The following RAB38 variants were observed in gnomAD, a reference collection of about 807,000 sequenced individuals.
The protein encoded by RAB38 is RAB38, member RAS oncogene family.
Under a neutral mutation model 18.4 loss-of-function variants are expected in RAB38, and 15 were observed. The observed-to-expected ratio is 0.82, with a 90% confidence interval of 0.55 to 1.26. RAB38 has a LOEUF of 1.26. RAB38 is among the 50% of genes most tolerant of loss of function. The pLI is 0.00. For synonymous variants in RAB38, 101 were observed against 104.4 expected (o/e 0.97, Z 0.20); for missense variants, 294 against 267.4 (o/e 1.10, Z -0.69).
At chr11:88,092,158 T>A in the RAB38 span, among the ~76,000 whole-genome samples, 3 of 151,768 alleles carry the variant, frequency 2.0e-5, no homozygotes, top group East Asian at 5.9e-4. Context: ...CTTTATTTTG[T>A]CTGGACTAGA....
chr11:87,902,686 A>G, the RAB38 span, among the ~76,000 whole-genome samples: 3 of 151,386 alleles, frequency 2.0e-5, no homozygotes, highest in African/African-American at 7.3e-5. Context: ...TTCTCTTTAA[A>G]TTCTCTCAGC....
At chr11:88,159,422 C>T (rs1324954190) in intron 1 of RAB38, among the ~76,000 whole-genome samples, 1 of 151,590 alleles carries the variant, frequency 6.6e-6, no homozygotes, top group Non-Finnish European at 1.5e-5. Context: ...CAAAAATCTA[C>T]ACATCCAATG....
At chr11:87,977,785 A>G in the RAB38 span, among the ~76,000 whole-genome samples, 3 of 112,776 alleles carry the variant, frequency 2.7e-5, no homozygotes. Flanking sequence ...ATATTATATC[A>G]TAGTTATATA....
At chr11:88,041,009 G>T in the RAB38 span, among the ~76,000 whole-genome samples, 1 of 152,246 alleles carries the variant, frequency 6.6e-6, no homozygotes, top group South Asian at 2.1e-4. Flanking sequence ...AAATATAGAA[G>T]ACACTGCTGG....
chr11:88,105,557 C>T, the RAB38 span, among the ~76,000 whole-genome samples: 1 of 152,124 alleles, frequency 6.6e-6, no homozygotes, highest in Admixed American at 6.6e-5. Flanking sequence ...CAGATGGGAT[C>T]TTCATTTCTC....
Position 88,124,937 on chromosome 11 carries a change from C to T in RAB38, c.484-10797G>A, listed in dbSNP as rs1468927041. On this transcript the variant is annotated intron_variant, in intron 2 of 2. Transcript: ENST00000243662. ...ACAATCCATGCTTTAATTTGCTACG[C>T]AATAAGTTATGTGACTGTCTTGTTA... is the stretch of plus-strand genomic sequence containing the variant. 2.0e-5 allele frequency among the ~76,000 whole-genome samples: 3 copies of T among 152,322 alleles called. No homozygotes were observed. The East Asian group carries it at 5.8e-4, about 29-fold the overall frequency.
At chr11:87,890,365 T>C in the RAB38 span, among the ~76,000 whole-genome samples, 1 of 151,848 alleles carries the variant, frequency 6.6e-6, no homozygotes, top group Non-Finnish European at 1.5e-5. Flanking sequence ...AGACATGTCT[T>C]CCCTCCTCCC....
intron 1 of RAB38, among the ~76,000 whole-genome samples, chr11:88,156,861 C>T (rs1943133448): frequency 6.6e-6 from 1 of 152,294 alleles, no homozygotes; most frequent in South Asian, 2.1e-4. Context: ...AATGAAAAAA[C>T]TCTACTGGCT....
the RAB38 span, chr11:88,060,264 T>G: frequency 2.6e-5 from 4 of 152,204 alleles, no homozygotes; most frequent in Non-Finnish European, 5.9e-5. Flanking sequence ...CTGACATCCC[T>G]GGGTCTTATT....
At chr11:88,172,521 T>C (rs1943321552) in intron 1 of RAB38, among the ~76,000 whole-genome samples, 1 of 152,188 alleles carries the variant, frequency 6.6e-6, no homozygotes, top group Non-Finnish European at 1.5e-5. Context: ...AGTGCAGGTC[T>C]TCTCTATCTC....
chr11:88,088,777 G>A, the RAB38 span, among the ~76,000 whole-genome samples: 2 of 151,826 alleles, frequency 1.3e-5, no homozygotes, highest in Non-Finnish European at 2.9e-5. Context: ...TTAAAGCAAT[G>A]TGAGAGTCAA....
At chr11:88,053,387 C>T in the RAB38 span, among the ~76,000 whole-genome samples, 1 of 55,768 alleles carries the variant, frequency 1.8e-5, no homozygotes, top group African/African-American at 4.8e-5. Flanking sequence ...TATATATACA[C>T]ACACATATAT....
chr11:88,006,004 A>G, the RAB38 span, among the ~76,000 whole-genome samples: 5,720 of 151,586 alleles, frequency 0.038, 210 homozygotes, highest in South Asian at 0.082. Flanking sequence ...GACAACTGAC[A>G]GAATAGAAGA....
chr11:88,014,428 G>T, the RAB38 span, among the ~76,000 whole-genome samples: 1 of 152,066 alleles, frequency 6.6e-6, no homozygotes, highest in Non-Finnish European at 1.5e-5. Flanking sequence ...AGGCTATTTG[G>T]TAGGTATTAT....
chr11:88,101,321 T>A, the RAB38 span, among the ~76,000 whole-genome samples: 1 of 152,006 alleles, frequency 6.6e-6, no homozygotes, highest in African/African-American at 2.4e-5. Flanking sequence ...TTACAAAGAA[T>A]TAATTGAGTA....
At chr11:87,812,962 C>A in the RAB38 span, among the ~76,000 whole-genome samples, 1 of 152,144 alleles carries the variant, frequency 6.6e-6, no homozygotes, top group Non-Finnish European at 1.5e-5. Context: ...CAAAGAAATT[C>A]TCCGAGAATG....
chr11:88,082,200 A>G, the RAB38 span, among the ~76,000 whole-genome samples: 2 of 151,878 alleles, frequency 1.3e-5, no homozygotes, highest in Non-Finnish European at 2.9e-5. Flanking sequence ...ATATTTGCCA[A>G]TGTTCATAAT....
the RAB38 span, among the ~76,000 whole-genome samples, chr11:87,861,495 G>A: frequency 6.6e-6 from 1 of 151,952 alleles, no homozygotes; most frequent in African/African-American, 2.4e-5. Flanking sequence ...AGGTGAAAGT[G>A]GGCTAGTCAA....
the RAB38 span, among the ~76,000 whole-genome samples, chr11:88,095,481 T>A: frequency 1.3e-5 from 2 of 151,888 alleles, no homozygotes; most frequent in Non-Finnish European, 2.9e-5. Context: ...GTCACTCTGT[T>A]TTCCTCCTAC....
Sources: allele counts gnomAD v4.1 joint callset (sites outside exome capture counted in the v4.1 genomes callset), GRCh38; gene constraint gnomAD v4.1.1; transcripts MANE v1.5; gene names NCBI Gene and HGNC (gene_info 2026-07-23, HGNC 2026-07-21).